Variants in DNAAF9 observed in about 807,000 individuals in gnomAD.
DNAAF9 encodes shulin.
DNAAF9 carries 90 observed loss-of-function variants against 167.0 expected under a neutral mutation model. The ratio of observed to expected loss-of-function variants is 0.54; its 90% CI spans 0.45 to 0.64. The LOEUF (loss-of-function observed/expected upper bound fraction) is 0.64. DNAAF9 is among the 30% of genes least tolerant of loss of function. The pLI, the probability that DNAAF9 is intolerant of heterozygous loss-of-function variation, is 0.00. For missense variants in DNAAF9, 1,315 were observed against 1,442.2 expected, an observed-to-expected ratio of 0.91 and a Z score of 1.43; for synonymous variants, 491 against 508.8, an observed-to-expected ratio of 0.96 and a Z score of 0.47.
At chr20:3,381,230 T>G in intron 3 of DNAAF9, 149 bp downstream of exon 3, 1 of 559,994 alleles carries the variant, frequency 1.8e-6, no homozygotes, top group Non-Finnish European at 2.9e-6. Flanking sequence ...AAAGAAAAAA[T>G]GCCGTTTTTT....
At chr20:3,382,654 C>T (rs769016167) in intron 1 of DNAAF9, 148 bp from the exon 2 acceptor site, 4 of 661,580 alleles carry the variant, frequency 6.0e-6, no homozygotes, top group East Asian at 2.8e-5. Flanking sequence ...GGTATCAGAA[C>T]CATAAAATGG....
intron 12 of DNAAF9, among the ~76,000 whole-genome samples, chr20:3,326,975 C>G (rs1309722750): frequency 6.6e-6 from 1 of 152,018 alleles, no homozygotes; most frequent in Non-Finnish European, 1.5e-5. Context: ...TGCTGCTTTC[C>G]CAGGGACCAA....
Position 3,315,106 on chromosome 20 carries a change from GAA to G in DNAAF9, c.1603_1604del (p.Phe535ProfsTer23), listed in dbSNP as rs1217716347. 6.2e-7 allele frequency: 1 copy of G among 1,604,750 alleles called. No homozygotes were observed. The highest frequency in any genetic ancestry group is 1.7e-5 in the Admixed American group (1 of 59,998). On this transcript the variant is annotated frameshift_variant, in exon 20 of 37. Coordinates refer to ENST00000252032, the MANE Select transcript of DNAAF9 (RefSeq NM_001009984.3). LOFTEE classifies it high-confidence loss of function. The surrounding 1 kb of genome is among the most constrained non-coding windows in gnomAD (Gnocchi z 4.1). ...CTCCTCCTGTTAGATAAGTGCCCAG[GAA>G]AGACTCATCCCCCTTTAAAAACAAC... is the stretch of plus-strand genomic sequence containing the variant. ...TQQAVRGDES[F>X]LGTYLTGGEG...
At chr20:3,288,423 C>G (rs1477541920) in intron 26 of DNAAF9, among the ~76,000 whole-genome samples, 1 of 152,168 alleles carries the variant, frequency 6.6e-6, no homozygotes, top group African/African-American at 2.4e-5. Context: ...GCACTCCAGC[C>G]TGGGCAACAA....
chr20:3,328,573 T>C (rs1471376856), intron 12 of DNAAF9, among the ~76,000 whole-genome samples: 1 of 152,152 alleles, frequency 6.6e-6, no homozygotes, highest in Non-Finnish European at 1.5e-5. Context: ...TACCACTCAA[T>C]ACCAGTCCCT....
chr20:3,323,274 CTTTTTTTTTTT>C (rs71195835), intron 14 of DNAAF9, among the ~76,000 whole-genome samples: 5 of 69,110 alleles, frequency 7.2e-5, no homozygotes, highest in South Asian at 1.0e-3. Flanking sequence ...GTGAAGTAAT[CTTTTTTTTTTT>C]TTTTTTTTTT....
At chr20:3,261,418 G>A (rs2068384855) in intron 31 of DNAAF9, among the ~76,000 whole-genome samples, 2 of 151,700 alleles carry the variant, frequency 1.3e-5, no homozygotes, top group African/African-American at 4.8e-5. Flanking sequence ...ACCCAGGCTG[G>A]AGCGCAGTGG....
At chr20:3,323,480 C>T (rs544051068) in intron 14 of DNAAF9, among the ~76,000 whole-genome samples, 73 of 151,866 alleles carry the variant, frequency 4.8e-4, no homozygotes, top group Non-Finnish European at 8.1e-4. Flanking sequence ...CGGGGTTTTG[C>T]CATGTTGGTC....
chr20:3,379,480 G>T (rs1213959239), intron 3 of DNAAF9, among the ~76,000 whole-genome samples: 2 of 151,988 alleles, frequency 1.3e-5, no homozygotes, highest in Non-Finnish European at 2.9e-5. Context: ...TGTAATCCCA[G>T]CTGCTCGGGA....
rs1254090716 is a variant in DNAAF9, at chr20:3,252,339, C to A, written c.*233G>T. 2 of 423,144 alleles carry A rather than the reference C, an allele frequency of 4.7e-6. No homozygotes were observed. Among genetic ancestry groups the A allele is most frequent in the East Asian group, 9.1e-5 (2 of 21,992 alleles). The allele number at this position is 423,144 out of a possible 1,614,324, so 26.2% of individuals were successfully genotyped here. ...CAGTTGCACACGTAGACGGGCAGGC[C>A]CCATCTGCTCATCCTTGAGTATTCC... is the stretch of plus-strand genomic sequence containing the variant. On this transcript the variant is annotated 3_prime_UTR_variant, in exon 37 of 37. Coordinates refer to ENST00000252032, the MANE Select transcript of DNAAF9 (RefSeq NM_001009984.3).
chr20:3,306,792 C>T, intron 20 of DNAAF9: 1 of 465,780 alleles, frequency 2.1e-6, no homozygotes, highest in Non-Finnish European at 2.8e-6. Flanking sequence ...CTCCCCACTC[C>T]TTCCATCAGC....
intron 3 of DNAAF9, 109 bp from the exon 4 acceptor site, chr20:3,376,411 A>T: frequency 2.3e-6 from 2 of 874,758 alleles, no homozygotes; most frequent in Non-Finnish European, 3.4e-6. Flanking sequence ...AGACAATGTA[A>T]CAAAACTCTA....
intron 20 of DNAAF9, among the ~76,000 whole-genome samples, chr20:3,305,413 T>C (rs1046181175): frequency 6.6e-6 from 1 of 152,240 alleles, no homozygotes; most frequent in African/African-American, 2.4e-5. Flanking sequence ...TAGAGGGAGA[T>C]GAAGTAGTTC....
intron 10 of DNAAF9, among the ~76,000 whole-genome samples, chr20:3,336,055 G>A (rs1047778500): frequency 2.0e-5 from 3 of 152,044 alleles, no homozygotes; most frequent in Admixed American, 6.6e-5. Flanking sequence ...CCCAGGAGGC[G>A]GAGATTGCAG....
At chr20:3,278,449 C>T (rs2068708632) in intron 29 of DNAAF9, among the ~76,000 whole-genome samples, 1 of 152,208 alleles carries the variant, frequency 6.6e-6, no homozygotes, top group Non-Finnish European at 1.5e-5. Context: ...GGCCAGGCGC[C>T]GTGGCTCATG....
At chr20:3,345,610 A>C (rs1018785445) in intron 8 of DNAAF9, among the ~76,000 whole-genome samples, 4 of 152,226 alleles carry the variant, frequency 2.6e-5, no homozygotes, top group Non-Finnish European at 5.9e-5. Flanking sequence ...AAATGTAAAA[A>C]TTCAAGCCAT....
At chr20:3,281,500 G>T (rs757110770) in intron 28 of DNAAF9, 141 bp downstream of exon 28, 1 of 630,118 alleles carries the variant, frequency 1.6e-6, no homozygotes. Context: ...GTCCAAAGGG[G>T]TCTATTGAGG....
At chr20:3,341,658 A>C (rs915771294) in intron 9 of DNAAF9, among the ~76,000 whole-genome samples, 1 of 152,194 alleles carries the variant, frequency 6.6e-6, no homozygotes, top group Non-Finnish European at 1.5e-5. Flanking sequence ...CTTCATGGCC[A>C]CAACCTTAGT....
Position 3,358,015 on chromosome 20 carries a change from T to C in DNAAF9, c.690+1501A>G, listed in dbSNP as rs557846490. 2.1e-3 allele frequency among the ~76,000 whole-genome samples: 321 copies of C among 151,952 alleles called. 1 individual carries two copies. Among genetic ancestry groups the C allele is most frequent in the African/African-American group, 7.3e-3 (304 of 41,502 alleles). On this transcript the variant is annotated intron_variant, in intron 7 of 36. Coordinates refer to ENST00000252032, the MANE Select transcript of DNAAF9 (RefSeq NM_001009984.3). ...GAGCAAGACCCTGTCTCTAAAAATATATATATTTTTAAAATAAATAAATAA... is the reference window on the plus strand; with the variant it reads ...GAGCAAGACCCTGTCTCTAAAAATACATATATTTTTAAAATAAATAAATAA...
Sources: gnomAD v4.1 joint callset for allele counts (sites outside exome capture counted in the v4.1 genomes callset) on GRCh38, gnomAD v4.1.1 for gene constraint, Gnocchi (gnomAD v3.1) non-coding constraint, MANE v1.5 for transcripts, NCBI Gene and HGNC (gene_info 2026-07-23, HGNC 2026-07-21) for gene names.